BICC1: variants seen among roughly 807,000 people sequenced by gnomAD.
BICC1 encodes BicC family RNA binding protein 1.
A neutral mutation model predicts 111.0 loss-of-function variants in BICC1; 43 were observed. The ratio of observed to expected loss-of-function variants is 0.39; its 90% CI spans 0.30 to 0.50. The LOEUF (loss-of-function observed/expected upper bound fraction) is 0.50. Ranked by LOEUF, BICC1 falls within the 20% of genes least tolerant of loss-of-function variation. The pLI is 0.88. For synonymous variants in BICC1, 467 were observed against 434.4 expected (o/e 1.07, Z -0.93); for missense variants, 1,091 against 1,203.2 (o/e 0.91, Z 1.38).
intron 2 of BICC1, among the ~76,000 whole-genome samples, chr10:58,692,596 A>T (rs1375144951): frequency 1.3e-5 from 2 of 152,214 alleles, no homozygotes; most frequent in Non-Finnish European, 2.9e-5. Flanking sequence ...GAAACACTGA[A>T]AATTAACACG....
chr10:58,665,166 G>A (rs1260175530), intron 2 of BICC1, among the ~76,000 whole-genome samples: 1 of 152,100 alleles, frequency 6.6e-6, no homozygotes, highest in Non-Finnish European at 1.5e-5. Context: ...CCCAGCCTCA[G>A]TTTTAGTCAG....
intron 15 of BICC1, among the ~76,000 whole-genome samples, chr10:58,806,207 A>T (rs2132898787): frequency 6.6e-6 from 1 of 152,310 alleles, no homozygotes; most frequent in East Asian, 1.9e-4. Flanking sequence ...ACATGACAGC[A>T]TTTTGGAAAT....
intron 3 of BICC1, among the ~76,000 whole-genome samples, chr10:58,715,099 G>A (rs1218554218): frequency 6.6e-6 from 1 of 151,816 alleles, no homozygotes; most frequent in Admixed American, 6.6e-5. Flanking sequence ...ATAATAATTA[G>A]GAGGGAGAAT....
intron 2 of BICC1, among the ~76,000 whole-genome samples, chr10:58,658,351 C>G (rs1201113606): frequency 6.6e-6 from 1 of 152,038 alleles, no homozygotes; most frequent in Admixed American, 6.6e-5. Flanking sequence ...CCAAGTCCAG[C>G]TAACTTTTTG....
At chr10:58,548,469 A>T (rs1257203464) in intron 1 of BICC1, among the ~76,000 whole-genome samples, 3 of 152,176 alleles carry the variant, frequency 2.0e-5, no homozygotes, top group Non-Finnish European at 2.9e-5. Context: ...CCTGCATTCC[A>T]TCTTGGATTC....
chr10:58,513,151 C>T lies in BICC1; in HGVS notation c.8C>T (p.Ala3Val). 1 of 1,531,784 alleles carries T rather than the reference C, an allele frequency of 6.5e-7. No individual in the cohort carries two copies. Among genetic ancestry groups the T allele is most frequent in the Non-Finnish European group, 8.8e-7 (1 of 1,141,640 alleles). 94.9% of individuals were successfully genotyped at this position (1,531,784 alleles called of 1,614,324 possible). The part of the protein sequence containing the change: MA[A>V]QGEPGYLAAQ... ...GAGCGCTGCGCGCCCACCATGGCCG[C>T]CCAGGGAGAGCCCGGCTACCTGGCG... The change falls in exon 1 of 21, where the codon GCC becomes GTC. Residue 3 changes from alanine to valine, a missense_variant. Physicochemically the swap from Ala to Val is moderately conservative, Grantham distance 64 (BLOSUM62 0). Around this residue, in one of 3 missense-constraint regions of BICC1, gnomAD observed 843 missense variants for 900.8 expected, o/e 0.94. Coordinates refer to ENST00000373886, the MANE Select transcript of BICC1 (RefSeq NM_001080512.3).
At chr10:58,683,943 G>C (rs559134282) in intron 2 of BICC1, among the ~76,000 whole-genome samples, 1 of 152,190 alleles carries the variant, frequency 6.6e-6, no homozygotes, top group African/African-American at 2.4e-5. Context: ...GGGCATCCCT[G>C]TCTTGTGCCA....
At position 58,660,258 on chromosome 10, in the gene BICC1, G is replaced by A. The variant is rs139750338; in HGVS notation, c.237+39357G>A. Among the ~76,000 whole-genome samples, 217 of 152,106 alleles carry A rather than the reference G, an allele frequency of 1.4e-3. 1 individual carries two copies. Among genetic ancestry groups the A allele is most frequent in the African/African-American group, 4.8e-3 (201 of 41,492 alleles). ...CAAGTAGTGTATTTGTCTTCTCCCC[G>A]ACAACACAGGCAATTAACAAGGCCA... is the stretch of plus-strand genomic sequence containing the variant. On this transcript the variant is annotated intron_variant, in intron 2 of 20. Coordinates refer to ENST00000373886, the MANE Select transcript of BICC1 (RefSeq NM_001080512.3).
intron 3 of BICC1, among the ~76,000 whole-genome samples, chr10:58,783,252 C>G (rs926112720): frequency 6.6e-6 from 1 of 152,118 alleles, no homozygotes; most frequent in Non-Finnish European, 1.5e-5. Context: ...AGCTGCTGGA[C>G]ATCTCCCCAG....
At chr10:58,635,423 T>C (rs1837925217) in intron 2 of BICC1, among the ~76,000 whole-genome samples, 1 of 152,206 alleles carries the variant, frequency 6.6e-6, no homozygotes, top group South Asian at 2.1e-4. Context: ...AGTGAATCAG[T>C]TGGAAATTCA....
chr10:58,613,354 G>T (rs1845496297), intron 1 of BICC1, among the ~76,000 whole-genome samples: 1 of 152,120 alleles, frequency 6.6e-6, no homozygotes, highest in African/African-American at 2.4e-5. Flanking sequence ...TGTCACTGTG[G>T]AATAAAAAAG....
At chr10:58,827,898 CCTT>C (rs1217852834) in intron 20 of BICC1, among the ~76,000 whole-genome samples, 29 of 152,176 alleles carry the variant, frequency 1.9e-4, no homozygotes, top group African/African-American at 6.5e-4. Flanking sequence ...TTCTCCTCCT[CCTT>C]CTCAACCTAC....
intron 1 of BICC1, among the ~76,000 whole-genome samples, chr10:58,607,823 T>C (rs949250364): frequency 1.3e-5 from 2 of 152,196 alleles, no homozygotes; most frequent in Admixed American, 1.3e-4. Context: ...TGTCTTATGA[T>C]AGTACAGTCC....
At chr10:58,792,519 C>T (rs1346347908) in intron 8 of BICC1, among the ~76,000 whole-genome samples, 1 of 152,180 alleles carries the variant, frequency 6.6e-6, no homozygotes, top group Non-Finnish European at 1.5e-5. Context: ...GGCTTCCCAT[C>T]ACTCACATGA....
intron 1 of BICC1, among the ~76,000 whole-genome samples, chr10:58,619,649 A>T (rs562819748): frequency 1.6e-4 from 24 of 152,012 alleles, no homozygotes; most frequent in African/African-American, 5.8e-4. Context: ...TAATTTTTGT[A>T]TTTTTAGTAG....
At chr10:58,745,956 A>G (rs574641438) in intron 3 of BICC1, among the ~76,000 whole-genome samples, 1 of 152,196 alleles carries the variant, frequency 6.6e-6, no homozygotes, top group South Asian at 2.1e-4. Context: ...TGCAATTCTA[A>G]TATTCTATCT....
At chr10:58,637,604 G>A (rs1837989489) in intron 2 of BICC1, among the ~76,000 whole-genome samples, 1 of 152,234 alleles carries the variant, frequency 6.6e-6, no homozygotes, top group African/African-American at 2.4e-5. Context: ...ATAAGATGAT[G>A]AAAGTCCTTC....
intron 1 of BICC1, among the ~76,000 whole-genome samples, chr10:58,517,041 A>G (rs994651246): frequency 1.3e-5 from 2 of 152,328 alleles, no homozygotes; most frequent in South Asian, 2.1e-4. Flanking sequence ...TATGTGTACT[A>G]TAAAATTAAA....
At chr10:58,732,379 GTA>G (rs1163026692) in intron 3 of BICC1, among the ~76,000 whole-genome samples, 1 of 75,794 alleles carries the variant, frequency 1.3e-5, no homozygotes, top group Admixed American at 1.4e-4. Context: ...GTGTGTGTAT[GTA>G]TATATATATA....
Sources: allele counts gnomAD v4.1 joint callset (sites outside exome capture counted in the v4.1 genomes callset), GRCh38; gene constraint gnomAD v4.1.1; regional missense constraint gnomAD v4.1.1; transcripts MANE v1.5; gene names NCBI Gene and HGNC (gene_info 2026-07-23, HGNC 2026-07-21).